Variants in FOXO3 observed in about 807,000 individuals in gnomAD.
FOXO3 encodes forkhead box protein O3.
Under a neutral mutation model 41.9 loss-of-function variants are expected in FOXO3, and 4 were observed. That is an observed-to-expected ratio of 0.10 (90% confidence interval 0.05 to 0.22). The LOEUF is 0.22. FOXO3 is among the 10% of genes least tolerant of loss of function. The probability of loss-of-function intolerance (pLI) is 1.00; values close to 1 mark genes in which losing one functional copy is unlikely to be tolerated. For missense variants in FOXO3, 534 were observed against 906.8 expected, an observed-to-expected ratio of 0.59 and a Z score of 5.28; for synonymous variants, 318 against 389.3, an observed-to-expected ratio of 0.82 and a Z score of 2.16.
chr6:108,608,509 ACTC>A (rs978565146), intron 1 of FOXO3, among the ~76,000 whole-genome samples: 2 of 151,910 alleles, frequency 1.3e-5, no homozygotes, highest in Non-Finnish European at 2.9e-5. Context: ...AAAAACAACT[ACTC>A]TTTTCTGGTG....
chr6:108,607,960 T>C (rs1450560949), intron 1 of FOXO3, among the ~76,000 whole-genome samples: 1 of 152,182 alleles, frequency 6.6e-6, no homozygotes, highest in Non-Finnish European at 1.5e-5. Flanking sequence ...TCTTTATAAT[T>C]ACCAGATTCT....
At chr6:108,648,058 A>C (rs1284489721) in intron 1 of FOXO3, among the ~76,000 whole-genome samples, 1 of 152,210 alleles carries the variant, frequency 6.6e-6, no homozygotes, top group Non-Finnish European at 1.5e-5. Flanking sequence ...TACAACAGCA[A>C]AGTCACTGTG....
chr6:108,560,264 T>A (rs1180833130), upstream of FOXO3, among the ~76,000 whole-genome samples: 1 of 152,146 alleles, frequency 6.6e-6, no homozygotes, highest in Non-Finnish European at 1.5e-5. Context: ...CTTCCCGACC[T>A]GTTGGAAGAT....
chr6:108,651,111 G>C (rs1157117866), intron 1 of FOXO3, among the ~76,000 whole-genome samples: 1 of 152,240 alleles, frequency 6.6e-6, no homozygotes, highest in Non-Finnish European at 1.5e-5. Flanking sequence ...GGGGACAGAA[G>C]ATACTATTAG....
chr6:108,594,392 A>T (rs189789797), intron 1 of FOXO3, among the ~76,000 whole-genome samples: 91 of 152,346 alleles, frequency 6.0e-4, no homozygotes, highest in African/African-American at 2.0e-3. Context: ...AGAAAACAAA[A>T]CTGTGAAGTT....
At chr6:108,604,309 T>G (rs1458887044) in intron 1 of FOXO3, among the ~76,000 whole-genome samples, 1 of 152,222 alleles carries the variant, frequency 6.6e-6, no homozygotes, top group African/African-American at 2.4e-5. Context: ...ATACATTTCT[T>G]GGTGACTAAA....
At position 108,595,746 on chromosome 6, in the gene FOXO3, TTCTG is replaced by T. The variant is rs562095504; in HGVS notation, c.621+33921_621+33924del. On this transcript the variant is annotated intron_variant, in intron 1 of 2. Coordinates refer to ENST00000406360, the MANE Select transcript of FOXO3 (RefSeq NM_001455.4). The stretch of plus-strand genomic sequence containing the variant: ...AATCTCCTCTCCTGTTTTAAGTCAC[TTCTG>T]TCTAAGGGAGTTTTTTTGCACACAA... 1.9e-4 allele frequency among the ~76,000 whole-genome samples: 29 copies of T among 152,332 alleles called. No individual in the cohort carries two copies. In the South Asian group the frequency reaches 3.7e-3, roughly 20 times the overall value.
rs1775792102 is a variant in FOXO3 at position 108,561,649 on chromosome 6, G to T, written c.441G>T (p.Pro147=). ...GGGCGGCTGGGGGCTCCGGGCAGCC[G>T]AGGAAATGTTCGTCGCGGCGGAACG... ...QPGAAGGSGQ[P]RKCSSRRNAW... The change falls in exon 1 of 3, where the codon CCG becomes CCT. Residue 147 remains proline (P), a synonymous_variant. Coordinates refer to ENST00000406360, the MANE Select transcript of FOXO3 (RefSeq NM_001455.4). 11 of 1,591,592 alleles carry T rather than the reference G, an allele frequency of 6.9e-6. No individual in the cohort carries two copies. The highest frequency in any genetic ancestry group is 2.7e-5 in the African/African-American group (2 of 74,064).
At chr6:108,591,129 A>T (rs1428361185) in intron 1 of FOXO3, among the ~76,000 whole-genome samples, 1 of 152,198 alleles carries the variant, frequency 6.6e-6, no homozygotes, top group Non-Finnish European at 1.5e-5. Flanking sequence ...AGCATTTCAC[A>T]TCTCAGGTGT....
chr6:108,587,882 C>G (rs1458501268), intron 1 of FOXO3, among the ~76,000 whole-genome samples: 1 of 152,196 alleles, frequency 6.6e-6, no homozygotes. Flanking sequence ...CTTAAGGATT[C>G]TTTCGCTTTG....
chr6:108,634,696 T>G (rs1778071434), intron 1 of FOXO3, among the ~76,000 whole-genome samples: 1 of 152,108 alleles, frequency 6.6e-6, no homozygotes, highest in Admixed American at 6.6e-5. Flanking sequence ...GGGTAGGGGA[T>G]AGATGTGAAT....
At chr6:108,570,499 GTT>G (rs974971435) in intron 1 of FOXO3, among the ~76,000 whole-genome samples, 5 of 151,580 alleles carry the variant, frequency 3.3e-5, no homozygotes, top group Non-Finnish European at 1.5e-5. Context: ...CTAATTTTAT[GTT>G]TTTTTTGTAG....
intron 2 of FOXO3, among the ~76,000 whole-genome samples, chr6:108,676,889 G>T (rs901004668): frequency 3.3e-5 from 5 of 152,218 alleles, no homozygotes; most frequent in Admixed American, 2.6e-4. Context: ...ATTGTAAATG[G>T]TGATTCTGGT....
rs568955859 is a variant in FOXO3, at chr6:108,668,750, C to A, written c.*34+3861C>A. ...TTCACTTCTTGTCTCTGCCACATCA[C>A]TCAATCTTGTAGAATATTAGGTTTC... On this transcript the variant is annotated intron_variant, in intron 2 of 2. Coordinates refer to ENST00000406360, the MANE Select transcript of FOXO3 (RefSeq NM_001455.4). Among the ~76,000 whole-genome samples the A allele has an allele frequency of 5.0e-4, 76 of 152,298 alleles. No individual in the cohort carries two copies. In the East Asian group the frequency reaches 0.014, roughly 28 times the overall value.
chr6:108,639,894 GT>G (rs1438202951), intron 1 of FOXO3, among the ~76,000 whole-genome samples: 1 of 152,150 alleles, frequency 6.6e-6, no homozygotes, highest in African/African-American at 2.4e-5. Context: ...TTACTGTGAG[GT>G]TCAGAAAGAA....
Position 108,561,372 on chromosome 6 carries a change from C to G in FOXO3, c.164C>G (p.Ser55Cys). The G allele has an allele frequency of 6.4e-7, 1 of 1,558,168 alleles. No individual in the cohort carries two copies. The highest frequency in any genetic ancestry group is 8.7e-7 in the Non-Finnish European group (1 of 1,153,558). The change falls in exon 1 of 3, where the codon TCC (serine) becomes TGC (cysteine). Residue 55 changes from serine to cysteine, a missense_variant. Physicochemically the swap from Ser to Cys is moderately radical, Grantham distance 112. This residue lies in a region of FOXO3 where 139 missense variants were observed against 163.7 expected (regional missense o/e 0.85). Transcript: ENST00000406360. ...AKPSGETAAD[S>C]MIPEEEDDED... ...CCCTCGGGGGAGACGGCCGCCGACT[C>G]CATGATCCCCGAGGAGGAGGACGAT...
At chr6:108,665,240 G>A (rs1014968313) in intron 2 of FOXO3, among the ~76,000 whole-genome samples, 2 of 152,228 alleles carry the variant, frequency 1.3e-5, no homozygotes, top group African/African-American at 4.8e-5. Context: ...AAGAGAAGGA[G>A]AGGGATGGGA....
At chr6:108,618,072 T>G in intron 1 of FOXO3, 3 of 731,810 alleles carry the variant, frequency 4.1e-6, no homozygotes, top group Middle Eastern at 2.9e-4. Flanking sequence ...ACTGTACAGG[T>G]GTGTCTTTTT....
intron 1 of FOXO3, among the ~76,000 whole-genome samples, chr6:108,652,194 T>G (rs758790156): frequency 6.6e-6 from 1 of 152,214 alleles, no homozygotes; most frequent in African/African-American, 2.4e-5. Flanking sequence ...AGCCTGGATA[T>G]GTAGAAGTTC....
Sources: gnomAD v4.1 joint callset for allele counts (sites outside exome capture counted in the v4.1 genomes callset) on GRCh38, gnomAD v4.1.1 for gene constraint, gnomAD v4.1.1 regional missense constraint, MANE v1.5 for transcripts, NCBI Gene and HGNC (gene_info 2026-07-23, HGNC 2026-07-21) for gene names.